Variants in TCTN2 observed in about 807,000 individuals in gnomAD.
TCTN2 encodes tectonic family member 2.
TCTN2 carries 66 observed loss-of-function variants against 83.4 expected under a neutral mutation model. The observed-to-expected ratio is 0.79, with a 90% CI of 0.65 to 0.97. The LOEUF (loss-of-function observed/expected upper bound fraction) is 0.97. TCTN2 is among the 50% of genes least tolerant of loss of function. The pLI, the probability that TCTN2 is intolerant of heterozygous loss-of-function variation, is 0.00. For missense variants in TCTN2, 794 were observed against 858.1 expected (o/e 0.93, Z 0.93); for synonymous variants, 301 against 326.7 (o/e 0.92, Z 0.85).
chr12:123,691,003 G>A (rs1322919307), intron 8 of TCTN2, among the ~76,000 whole-genome samples: 1 of 151,934 alleles, frequency 6.6e-6, no homozygotes, highest in Admixed American at 6.6e-5. Flanking sequence ...CGAGTAGCTG[G>A]GACTACAGGT....
At chr12:123,683,741 C>T (rs902809516) in intron 5 of TCTN2, among the ~76,000 whole-genome samples, 3 of 152,160 alleles carry the variant, frequency 2.0e-5, no homozygotes, top group Admixed American at 6.5e-5. Flanking sequence ...CAGGTTCAAG[C>T]GATTCTCCTG....
chr12:123,693,376 CTTTT>C (rs373196834), intron 9 of TCTN2, among the ~76,000 whole-genome samples: 6 of 92,952 alleles, frequency 6.5e-5, no homozygotes, highest in Non-Finnish European at 1.2e-4. Context: ...GCTTTCTTTC[CTTTT>C]TTTTTTTTTT....
intron 14 of TCTN2, among the ~76,000 whole-genome samples, chr12:123,700,851 G>A (rs890897991): frequency 1.3e-5 from 2 of 152,220 alleles, no homozygotes; most frequent in South Asian, 2.1e-4. Context: ...GGGATGCTGA[G>A]GAAAGAGGAT....
chr12:123,680,911 A>C (rs1955891958), intron 5 of TCTN2, among the ~76,000 whole-genome samples: 1 of 152,120 alleles, frequency 6.6e-6, no homozygotes, highest in Non-Finnish European at 1.5e-5. Flanking sequence ...TGAAGATCAT[A>C]CTGGGGGGAT....
chr12:123,691,744 T>TG (rs1281193536), intron 8 of TCTN2, among the ~76,000 whole-genome samples: 2 of 151,826 alleles, frequency 1.3e-5, no homozygotes. Context: ...TTTTGGTTTT[T>TG]TTTTTGAGAG....
intron 3 of TCTN2, among the ~76,000 whole-genome samples, chr12:123,673,142 A>T (rs1294254128): frequency 1.3e-5 from 2 of 152,230 alleles, no homozygotes; most frequent in Non-Finnish European, 2.9e-5. Context: ...CTTCTATTTA[A>T]TAAGTGTTTA....
intron 10 of TCTN2, 90 bp downstream of exon 10, chr12:123,695,066 C>A: frequency 8.4e-6 from 13 of 1,548,460 alleles, no homozygotes; most frequent in Non-Finnish European, 1.1e-5. Context: ...ACCCATAAAA[C>A]TAAGTTGGAC....
intron 7 of TCTN2, among the ~76,000 whole-genome samples, chr12:123,689,545 T>C (rs1435145546): frequency 2.6e-5 from 4 of 152,152 alleles, no homozygotes; most frequent in African/African-American, 9.7e-5. Flanking sequence ...CAGGGCTACA[T>C]GAGCAGGTTT....
chr12:123,687,945 C>G (rs1056333875), intron 6 of TCTN2, 106 bp from the exon 7 acceptor site: 2 of 1,472,472 alleles, frequency 1.4e-6, no homozygotes, highest in African/African-American at 2.8e-5. Flanking sequence ...GCCTGGGTGA[C>G]AGAGTGAGAC....
chr12:123,706,051 C>T (rs544445103), intron 15 of TCTN2, among the ~76,000 whole-genome samples: 133 of 152,264 alleles, frequency 8.7e-4, no homozygotes, highest in Admixed American at 2.3e-3. Flanking sequence ...TCACCGTGCC[C>T]GGCCCCTCCT....
intron 15 of TCTN2, among the ~76,000 whole-genome samples, chr12:123,705,161 GTTTT>G (rs71308014): frequency 8.5e-6 from 1 of 117,708 alleles, no homozygotes; most frequent in Non-Finnish European, 1.7e-5. Context: ...GCCTCCATCA[GTTTT>G]TTTTTTTTTT....
At chr12:123,692,265 C>G (rs960909336) in intron 8 of TCTN2, among the ~76,000 whole-genome samples, 3 of 152,038 alleles carry the variant, frequency 2.0e-5, no homozygotes, top group African/African-American at 7.2e-5. Context: ...CCAGACTGGT[C>G]TCAAACTGAC....
At chr12:123,707,178 A>G in intron 17 of TCTN2, 105 bp downstream of exon 17, 3 of 969,318 alleles carry the variant, frequency 3.1e-6, no homozygotes, top group Non-Finnish European at 1.6e-6. Context: ...ATAGAAACTT[A>G]AAAAAAAGTA....
intron 14 of TCTN2, among the ~76,000 whole-genome samples, chr12:123,703,849 A>C (rs1179964875): frequency 6.6e-6 from 1 of 152,142 alleles, no homozygotes; most frequent in Non-Finnish European, 1.5e-5. Flanking sequence ...CTGTGACTGC[A>C]TGGAATAACG....
intron 17 of TCTN2, 37 bp from the exon 18 acceptor site, chr12:123,707,564 TAAG>T: frequency 6.4e-7 from 1 of 1,573,180 alleles, no homozygotes; most frequent in Middle Eastern, 1.7e-4. Context: ...TCAAAAGAGT[TAAG>T]AAATACTGCT....
At chr12:123,706,161 A>C (rs541832343) in intron 15 of TCTN2, among the ~76,000 whole-genome samples, 1 of 152,164 alleles carries the variant, frequency 6.6e-6, no homozygotes, top group Non-Finnish European at 1.5e-5. Context: ...GACAGCTCTT[A>C]TTGGCTAGGC....
intron 11 of TCTN2, chr12:123,695,662 G>A (rs958998515): frequency 1.7e-5 from 3 of 173,522 alleles, no homozygotes; most frequent in South Asian, 2.8e-4. Context: ...GGCTTGCAGG[G>A]TTGCTCACTT....
rs1955751285 is a variant in TCTN2 at position 123,671,539 on chromosome 12, C to A, written c.115C>A (p.Pro39Thr). 1.2e-6 allele frequency: 2 copies of A among 1,614,170 alleles called. No individual in the cohort carries two copies. Among genetic ancestry groups the A allele is most frequent in the Middle Eastern group, 1.6e-4 (1 of 6,062 alleles). ...FIPPFIRMSG[P>T]AVSASLVGDT... ...CCCTCCTTTTATCCGAATGTCCGGC[C>A]CTGCGGTCAGCGCGTCCCTGGTCGG... is the stretch of plus-strand genomic sequence containing the variant. Residue 39 changes from proline to threonine, a missense_variant, in exon 2 of 18, where the codon CCT (proline) becomes ACT (threonine). Pro to Thr is a conservative substitution (Grantham distance 38). Coordinates refer to ENST00000303372, the MANE Select transcript of TCTN2 (RefSeq NM_024809.5).
At chr12:123,692,914 C>A (rs1956060729) in intron 9 of TCTN2, among the ~76,000 whole-genome samples, 191 bp downstream of exon 9, 2 of 152,018 alleles carry the variant, frequency 1.3e-5, no homozygotes, top group South Asian at 4.1e-4. Flanking sequence ...CTCTCTGTGA[C>A]CTTGAGCCTG....
Sources: gnomAD v4.1 joint callset for allele counts (sites outside exome capture counted in the v4.1 genomes callset) on GRCh38, gnomAD v4.1.1 for gene constraint, MANE v1.5 for transcripts, NCBI Gene and HGNC (gene_info 2026-07-23, HGNC 2026-07-21) for gene names.